Variants in RBKS observed in about 807,000 individuals in gnomAD.
The protein encoded by RBKS is ribokinase.
Under a neutral mutation model 33.9 loss-of-function variants are expected in RBKS, and 33 were observed. That is an observed-to-expected ratio of 0.97 (90% CI 0.74 to 1.30). The LOEUF is 1.30. Ranked by LOEUF, RBKS falls within the 50% of genes most tolerant of loss-of-function variation. The pLI, the probability that RBKS is intolerant of heterozygous loss-of-function variation, is 0.00. For synonymous variants in RBKS, 125 were observed against 143.0 expected (o/e 0.87, Z 0.90); for missense variants, 361 against 392.6 (o/e 0.92, Z 0.68).
chr2:27,827,817 G>T, intron 6 of RBKS, 62 bp from the exon 7 acceptor site: 1 of 1,362,542 alleles, frequency 7.3e-7, no homozygotes, highest in Non-Finnish European at 9.7e-7. Flanking sequence ...TCCACTTCCA[G>T]ATGCGTTTTT....
chr2:27,856,814 C>G (rs1663866366), intron 2 of RBKS, among the ~76,000 whole-genome samples: 1 of 152,158 alleles, frequency 6.6e-6, no homozygotes, highest in Non-Finnish European at 1.5e-5. Flanking sequence ...TTAATTAAGT[C>G]AGCACCATCT....
intron 1 of RBKS, among the ~76,000 whole-genome samples, chr2:27,883,226 G>T (rs554222143): frequency 7.7e-4 from 113 of 147,374 alleles, no homozygotes; most frequent in African/African-American, 2.7e-3. Flanking sequence ...TTGAGACGGA[G>T]TCTCGCTCTG....
intron 5 of RBKS, among the ~76,000 whole-genome samples, chr2:27,836,679 G>A (rs1327142988): frequency 1.3e-5 from 2 of 152,130 alleles, no homozygotes; most frequent in Non-Finnish European, 2.9e-5. Context: ...CTTCTGCATA[G>A]CAAAAGAAAT....
intron 1 of RBKS, among the ~76,000 whole-genome samples, chr2:27,888,409 G>A (rs1361304567): frequency 1.3e-5 from 2 of 152,192 alleles, no homozygotes; most frequent in South Asian, 2.1e-4. Context: ...TTACAGGTAT[G>A]AGCCACTGCG....
chr2:27,865,318 TCAAACAAACAAA>T (rs111615920), intron 1 of RBKS, among the ~76,000 whole-genome samples: 12,472 of 152,014 alleles, frequency 0.082, 808 homozygotes, highest in African/African-American at 0.17. Context: ...AGACTCCTTC[TCAAACAAACAAA>T]CAAACAAACA....
intron 7 of RBKS, among the ~76,000 whole-genome samples, chr2:27,825,058 G>C (rs1476502512): frequency 6.6e-6 from 1 of 151,938 alleles, no homozygotes. Context: ...GATCACCTGA[G>C]CCTGGGAGGC....
At chr2:27,783,158 G>A (rs1167269033) in intron 7 of RBKS, among the ~76,000 whole-genome samples, 3 of 152,058 alleles carry the variant, frequency 2.0e-5, no homozygotes, top group Admixed American at 2.0e-4. Context: ...AGATGCCCCA[G>A]GGGGCCGGGC....
chr2:27,840,145 G>A (rs989376866), intron 5 of RBKS, among the ~76,000 whole-genome samples: 4 of 150,002 alleles, frequency 2.7e-5, no homozygotes, highest in African/African-American at 4.9e-5. Context: ...TCAGCCTCCC[G>A]AGTAGCTGGG....
intron 1 of RBKS, among the ~76,000 whole-genome samples, chr2:27,867,188 T>C (rs565919180): frequency 5.9e-5 from 9 of 152,274 alleles, no homozygotes; most frequent in African/African-American, 2.2e-4. Flanking sequence ...CTCCCCACTC[T>C]TGGTTATAGA....
At chr2:27,847,285 T>C (rs993128915) in intron 3 of RBKS, among the ~76,000 whole-genome samples, 181 bp from the exon 4 acceptor site, 12 of 152,006 alleles carry the variant, frequency 7.9e-5, no homozygotes, top group Non-Finnish European at 1.2e-4. Flanking sequence ...ACAAGAAAAA[T>C]AGACAGCTTT....
rs143635987 is a variant in RBKS, at chr2:27,843,077, G to T, written c.504C>A (p.Arg168=). 238 of 1,593,644 alleles carry T rather than the reference G, an allele frequency of 1.5e-4. No individual in the cohort carries two copies. The highest frequency in any genetic ancestry group is 1.8e-4 in the Non-Finnish European group (213 of 1,169,526). ...ATSLEALTMA[R]RSGVKTLFNP... is the part of the protein sequence containing the mutation. ...AATATGTATAATTACCTCCACTCCT[G>T]CGGGCCATTGTTAGGGCTTCCAAAG... Residue 168 remains arginine, a synonymous_variant, in exon 5 of 8, where the codon CGC becomes CGA. Transcript: ENST00000302188.
At chr2:27,828,507 G>A (rs1678360530) in intron 6 of RBKS, among the ~76,000 whole-genome samples, 1 of 152,030 alleles carries the variant, frequency 6.6e-6, no homozygotes. Flanking sequence ...GTTTGTTTTT[G>A]CCAGAGAAGA....
At chr2:27,784,077 G>C (rs1244863774) in intron 7 of RBKS, among the ~76,000 whole-genome samples, 1 of 116,826 alleles carries the variant, frequency 8.6e-6, no homozygotes, top group African/African-American at 3.3e-5. Context: ...TCCGCCTCCC[G>C]GGTTCACGCC....
At chr2:27,883,942 T>C (rs1290142434) in intron 1 of RBKS, among the ~76,000 whole-genome samples, 3 of 152,206 alleles carry the variant, frequency 2.0e-5, no homozygotes, top group Admixed American at 6.5e-5. Context: ...GGGAATACAG[T>C]TGACACAACT....
chr2:27,804,550 T>C (rs148261504), intron 7 of RBKS, among the ~76,000 whole-genome samples: 37 of 152,368 alleles, frequency 2.4e-4, no homozygotes, highest in Non-Finnish European at 2.9e-5. Context: ...ATTATTAATA[T>C]ATTCACACCT....
intron 7 of RBKS, among the ~76,000 whole-genome samples, chr2:27,801,961 AAAATATATATAT>A (rs1257744043): frequency 2.5e-4 from 16 of 63,880 alleles, no homozygotes; most frequent in African/African-American, 7.6e-4. Flanking sequence ...AAAAAAAAAA[AAAATATATATAT>A]ATATATATAT....
chr2:27,789,608 A>G (rs984815077), intron 7 of RBKS, among the ~76,000 whole-genome samples: 1 of 151,822 alleles, frequency 6.6e-6, no homozygotes, highest in South Asian at 2.1e-4. Context: ...TCTGTAGCCC[A>G]GTTTGGAGTG....
At chr2:27,785,307 G>A (rs545042961) in intron 7 of RBKS, among the ~76,000 whole-genome samples, 1 of 152,262 alleles carries the variant, frequency 6.6e-6, no homozygotes, top group South Asian at 2.1e-4. Flanking sequence ...GAAAATCCTT[G>A]CAATACATGT....
intron 7 of RBKS, among the ~76,000 whole-genome samples, chr2:27,811,213 G>C (rs966615099): frequency 2.6e-5 from 4 of 152,174 alleles, no homozygotes; most frequent in Non-Finnish European, 4.4e-5. Context: ...CCTCAGGCTA[G>C]GTGGGCCCCC....
Sources: gnomAD v4.1 joint callset for allele counts (sites outside exome capture counted in the v4.1 genomes callset) on GRCh38, gnomAD v4.1.1 for gene constraint, MANE v1.5 for transcripts, NCBI Gene and HGNC (gene_info 2026-07-23, HGNC 2026-07-21) for gene names.